The following LRBA variants were observed in gnomAD, a reference collection of about 807,000 sequenced individuals.
LRBA encodes lipopolysaccharide-responsive and beige-like anchor protein.
In LRBA, 176 loss-of-function variants were observed where a neutral mutation model predicts 330.0. That is an observed-to-expected ratio of 0.53 (90% CI 0.47 to 0.60). The LOEUF is 0.60. Ranked by LOEUF, LRBA falls within the 20% of genes least tolerant of loss-of-function variation. The pLI is 0.00. For synonymous variants in LRBA, 1,230 were observed against 1,193.0 expected (o/e 1.03, Z -0.64); for missense variants, 3,259 against 3,444.8 (o/e 0.95, Z 1.35).
chr4:150,457,565 G>C (rs1266265286), intron 44 of LRBA, among the ~76,000 whole-genome samples: 1 of 151,742 alleles, frequency 6.6e-6, no homozygotes, highest in African/African-American at 2.4e-5. Flanking sequence ...TCATAGGCAA[G>C]ATAAGAATCA....
At chr4:150,899,606 T>C (rs1450867463) in intron 14 of LRBA, among the ~76,000 whole-genome samples, 6 of 152,164 alleles carry the variant, frequency 3.9e-5, no homozygotes, top group Non-Finnish European at 8.8e-5. Flanking sequence ...TGTAAGAAAA[T>C]AATTGCTAAC....
intron 44 of LRBA, among the ~76,000 whole-genome samples, chr4:150,451,030 AAAAAC>A (rs542091606): frequency 1.3e-5 from 2 of 152,194 alleles, no homozygotes; most frequent in African/African-American, 4.8e-5. Flanking sequence ...ACTCTGTCTC[AAAAAC>A]AAAACAAAAC....
chr4:150,653,170 C>A (rs1446498751), intron 37 of LRBA, among the ~76,000 whole-genome samples: 14 of 152,078 alleles, frequency 9.2e-5, no homozygotes. Context: ...TAGCGAGAAC[C>A]TGTCTCTACA....
intron 50 of LRBA, among the ~76,000 whole-genome samples, chr4:150,319,174 G>A (rs1732135119): frequency 6.6e-6 from 1 of 152,154 alleles, no homozygotes; most frequent in African/African-American, 2.4e-5. Context: ...CTGTGGTTGA[G>A]CCAGCTCAGT....
In LRBA at chr4:150,350,116, A is replaced by G; in HGVS notation, c.7238T>C (p.Ile2413Thr). Reference sequence around the variant, plus strand: ...CTGTTTATAGCCAAAAATGAGATCAATCCATTGGTGAAGCTGGCAGGAAAC... The same window carrying G: ...CTGTTTATAGCCAAAAATGAGATCAGTCCATTGGTGAAGCTGGCAGGAAAC... ...EFVSCQLHQW[I>T]DLIFGYKQQG... is the part of the protein sequence containing the mutation. Residue 2413 changes from isoleucine (I) to threonine (T), a missense_variant, in exon 48 of 57, where the codon ATT becomes ACT. Ile to Thr is a moderately conservative substitution (Grantham distance 89, BLOSUM62 -1). Transcript: ENST00000651943. The G allele has an allele frequency of 6.2e-7, 1 of 1,602,914 alleles. No individual in the cohort carries two copies. The highest frequency in any genetic ancestry group is 8.5e-7 in the Non-Finnish European group (1 of 1,176,112).
intron 46 of LRBA, among the ~76,000 whole-genome samples, chr4:150,428,701 C>G (rs1749967310): frequency 6.6e-6 from 1 of 152,080 alleles, no homozygotes; most frequent in Non-Finnish European, 1.5e-5. Context: ...ATTGCAAAGT[C>G]AATCATATCT....
intron 49 of LRBA, among the ~76,000 whole-genome samples, chr4:150,324,616 A>G (rs1732995727): frequency 6.6e-6 from 1 of 152,112 alleles, no homozygotes; most frequent in African/African-American, 2.4e-5. Flanking sequence ...GAAAAAAAAA[A>G]AGGAAAAAAG....
At chr4:151,014,369 A>G in intron 2 of LRBA, 58 bp downstream of exon 2, 1 of 1,420,690 alleles carries the variant, frequency 7.0e-7, no homozygotes, top group Non-Finnish European at 9.8e-7. Context: ...CAGCTTTAAG[A>G]TCTTGTTCCC....
At chr4:150,738,569 A>G (rs1349514925) in intron 35 of LRBA, among the ~76,000 whole-genome samples, 1 of 152,244 alleles carries the variant, frequency 6.6e-6, no homozygotes, top group Non-Finnish European at 1.5e-5. Context: ...GGTAAATCTA[A>G]AAGTATACTG....
intron 4 of LRBA, among the ~76,000 whole-genome samples, chr4:150,923,184 C>CG (rs1554000388): frequency 8.0e-5 from 11 of 137,338 alleles, no homozygotes; most frequent in South Asian, 4.7e-4. Flanking sequence ...ATCGTAAAGT[C>CG]AAAAAAAAAA....
chr4:150,550,743 C>CAAATA (rs1766480459), intron 40 of LRBA, among the ~76,000 whole-genome samples: 1 of 152,158 alleles, frequency 6.6e-6, no homozygotes, highest in Admixed American at 6.5e-5. Context: ...CATAATAAAT[C>CAAATA]ACTGTTTTTA....
chr4:151,015,397 AG>A (rs1251923691), upstream of LRBA: 1 of 153,084 alleles, frequency 6.5e-6, no homozygotes, highest in African/African-American at 2.4e-5. Flanking sequence ...GTGTGGTGGC[AG>A]GAAGGGAGGG....
Position 150,776,849 on chromosome 4 carries a change from T to C in LRBA, c.5581-15002A>G, listed in dbSNP as rs1029775847. ...AAAAATAAATCATATGCCCTAAATA[T>C]ATAGAATAGTAGATGAATAAAAAAT... On this transcript the variant is annotated intron_variant, in intron 34 of 56. Transcript: ENST00000651943. Among the ~76,000 whole-genome samples, 6 of 152,206 alleles carry C rather than the reference T, an allele frequency of 3.9e-5. No homozygotes were observed. The Middle Eastern group carries it at 0.014, about 345-fold the overall frequency.
intron 48 of LRBA, among the ~76,000 whole-genome samples, chr4:150,348,364 G>C (rs1736691133): frequency 6.6e-6 from 1 of 152,108 alleles, no homozygotes; most frequent in South Asian, 2.1e-4. Context: ...TGTCATCTTG[G>C]ACATACCAAG....
intron 34 of LRBA, among the ~76,000 whole-genome samples, chr4:150,766,596 A>G (rs774287326): frequency 9.2e-5 from 14 of 152,196 alleles, no homozygotes; most frequent in Non-Finnish European, 1.2e-4. Context: ...AATTTCATAA[A>G]CCACAGCTCA....
At chr4:150,574,620 G>A (rs1770299810) in intron 40 of LRBA, among the ~76,000 whole-genome samples, 1 of 151,828 alleles carries the variant, frequency 6.6e-6, no homozygotes, top group Non-Finnish European at 1.5e-5. Context: ...TATCTATCCA[G>A]GTATTCTGGA....
chr4:150,448,891 G>A (rs1432766526), intron 44 of LRBA, among the ~76,000 whole-genome samples: 1 of 151,680 alleles, frequency 6.6e-6, no homozygotes, highest in Non-Finnish European at 1.5e-5. Flanking sequence ...ACCAGTATTG[G>A]GTGAATAGAT....
intron 35 of LRBA, among the ~76,000 whole-genome samples, chr4:150,759,297 A>C (rs1027471322): frequency 6.6e-6 from 1 of 152,158 alleles, no homozygotes; most frequent in African/African-American, 2.4e-5. Context: ...TTCCCACAGA[A>C]TAAATTACAA....
intron 2 of LRBA, among the ~76,000 whole-genome samples, chr4:150,992,354 C>A (rs915454641): frequency 2.1e-4 from 31 of 149,828 alleles, no homozygotes; most frequent in South Asian, 8.4e-4. Context: ...TGATGACAGA[C>A]CAAGAAGAAA....
Sources: gnomAD v4.1 joint callset for allele counts (sites outside exome capture counted in the v4.1 genomes callset) on GRCh38, gnomAD v4.1.1 for gene constraint, MANE v1.5 for transcripts, NCBI Gene and HGNC (gene_info 2026-07-23, HGNC 2026-07-21) for gene names.